Variants in CFAP20DC observed in about 807,000 individuals in gnomAD.
CFAP20DC encodes the protein protein CFAP20DC.
Under a neutral mutation model 101.7 loss-of-function variants are expected in CFAP20DC, and 84 were observed. That is an observed-to-expected ratio of 0.83 (90% CI 0.69 to 0.99). CFAP20DC has a LOEUF of 0.99. Ranked by LOEUF, CFAP20DC falls within the 50% of genes least tolerant of loss-of-function variation. The probability of loss-of-function intolerance (pLI) is 0.00; values close to 1 mark genes in which losing one functional copy is unlikely to be tolerated. For missense variants in CFAP20DC, 1,007 were observed against 970.3 expected (o/e 1.04, Z -0.50); for synonymous variants, 359 against 351.2 (o/e 1.02, Z -0.25).
intron 14 of CFAP20DC, among the ~76,000 whole-genome samples, chr3:58,813,238 CAT>C (rs898890911): frequency 7.2e-5 from 11 of 151,846 alleles, no homozygotes; most frequent in African/African-American, 2.7e-4. Context: ...CATTTCAAAA[CAT>C]AGCTGAACAA....
rs1472362827 is a variant in CFAP20DC at position 58,815,044 on chromosome 3, C to T, written c.2176-8588G>A. ...TATGGAACCAAAAAAGAGCCCGCAT[C>T]GCCAAAGCAATCCTAAGCCAAAAGA... On this transcript the variant is annotated intron_variant, in intron 14 of 16. Coordinates refer to ENST00000482387, the MANE Select transcript of CFAP20DC (RefSeq NM_001394063.1). 8.6e-5 allele frequency among the ~76,000 whole-genome samples: 13 copies of T among 151,626 alleles called. No individual in the cohort carries two copies. In the East Asian group the frequency reaches 9.7e-4, roughly 11 times the overall value.
At chr3:58,794,194 A>G (rs1335696031) in intron 15 of CFAP20DC, 1 of 336,218 alleles carries the variant, frequency 3.0e-6, no homozygotes, top group Non-Finnish European at 6.1e-6. Flanking sequence ...AAATGTGGGA[A>G]GCTGCCTTCT....
At chr3:58,798,011 GC>G (rs1317503246) in intron 15 of CFAP20DC, among the ~76,000 whole-genome samples, 1 of 152,172 alleles carries the variant, frequency 6.6e-6, no homozygotes, top group Non-Finnish European at 1.5e-5. Context: ...CATTGGCAAT[GC>G]ACCTGGTCAC....
At chr3:59,023,364 A>C (rs2109009806) in intron 4 of CFAP20DC, among the ~76,000 whole-genome samples, 1 of 152,236 alleles carries the variant, frequency 6.6e-6, no homozygotes, top group Non-Finnish European at 1.5e-5. Flanking sequence ...TTGTGAGAAC[A>C]CCGAGGAAAC....
At chr3:58,743,337 C>T (rs1369154381) in intron 16 of CFAP20DC, among the ~76,000 whole-genome samples, 1 of 151,874 alleles carries the variant, frequency 6.6e-6, no homozygotes, top group African/African-American at 2.4e-5. Context: ...CAGTGTTGTG[C>T]TAAGTACTTT....
intron 15 of CFAP20DC, among the ~76,000 whole-genome samples, chr3:58,773,736 T>G (rs1252034004): frequency 2.6e-5 from 4 of 152,222 alleles, no homozygotes; most frequent in Non-Finnish European, 5.9e-5. Context: ...TTAATTTAAT[T>G]TTTAAAAATA....
intron 3 of CFAP20DC, among the ~76,000 whole-genome samples, chr3:58,730,333 T>C (rs1297224392): frequency 6.6e-6 from 1 of 152,220 alleles, no homozygotes; most frequent in Non-Finnish European, 1.5e-5. Context: ...AAACATCACA[T>C]TGTACTTCGT....
chr3:59,029,344 A>G (rs887157132), intron 4 of CFAP20DC, among the ~76,000 whole-genome samples: 15 of 152,186 alleles, frequency 9.9e-5, no homozygotes, highest in African/African-American at 3.4e-4. Context: ...GTAATGAAGG[A>G]AAAGAAAAGG....
rs539689079 is a variant in CFAP20DC at position 58,896,831 on chromosome 3, CAT to C, written c.551-12124_551-12123del. Among the ~76,000 whole-genome samples, 627 of 152,010 alleles carry C rather than the reference CAT, an allele frequency of 4.1e-3. 5 individuals are homozygous for C. The highest frequency in any genetic ancestry group is 0.014 in the African/African-American group (591 of 41,492). On this transcript the variant is annotated intron_variant, in intron 6 of 16. Coordinates refer to ENST00000482387, the MANE Select transcript of CFAP20DC (RefSeq NM_001394063.1). ...ATGTGATCAATTTTAGAGTGAGTGT[CAT>C]GTGGGGATGAGAAGAATGTATACTC...
chr3:58,774,237 A>T (rs1452010534), intron 15 of CFAP20DC, among the ~76,000 whole-genome samples: 3 of 152,214 alleles, frequency 2.0e-5, no homozygotes, highest in Non-Finnish European at 4.4e-5. Context: ...ACATGCAAAG[A>T]ACCAATCTAT....
intron 14 of CFAP20DC, among the ~76,000 whole-genome samples, chr3:58,830,624 C>T (rs1034692417): frequency 6.6e-5 from 10 of 152,084 alleles, no homozygotes; most frequent in East Asian, 1.9e-4. Flanking sequence ...AACTTATCCG[C>T]GTCAACTATA....
At chr3:58,783,809 C>CA (rs1032123979) in intron 15 of CFAP20DC, among the ~76,000 whole-genome samples, 1 of 151,844 alleles carries the variant, frequency 6.6e-6, no homozygotes, top group African/African-American at 2.4e-5. Context: ...ACCCCAAAAA[C>CA]AAAAAACATG....
At chr3:58,963,789 G>C (rs2091337343) in intron 4 of CFAP20DC, among the ~76,000 whole-genome samples, 1 of 152,144 alleles carries the variant, frequency 6.6e-6, no homozygotes. Context: ...CCCCAGAACT[G>C]ATTGAACAGA....
At chr3:58,993,604 G>C (rs2093012082) in intron 4 of CFAP20DC, among the ~76,000 whole-genome samples, 1 of 151,922 alleles carries the variant, frequency 6.6e-6, no homozygotes, top group South Asian at 2.1e-4. Context: ...TCCTCCAACA[G>C]GCCCTAGTGT....
chr3:58,851,454 A>G (rs533557358), intron 12 of CFAP20DC, among the ~76,000 whole-genome samples: 1 of 152,310 alleles, frequency 6.6e-6, no homozygotes, highest in Non-Finnish European at 1.5e-5. Flanking sequence ...TCTCTTACAC[A>G]GAGTATGAGA....
intron 14 of CFAP20DC, among the ~76,000 whole-genome samples, chr3:58,807,581 A>G (rs2107745794): frequency 6.6e-6 from 1 of 152,318 alleles, no homozygotes; most frequent in Middle Eastern, 3.4e-3. Context: ...CACCATCATC[A>G]AAGACCAAAA....
chr3:58,763,990 C>T (rs1166313525), intron 15 of CFAP20DC, among the ~76,000 whole-genome samples: 2 of 152,142 alleles, frequency 1.3e-5, no homozygotes, highest in South Asian at 2.1e-4. Context: ...GGGTCAGGGA[C>T]CCACTTGAGG....
downstream of CFAP20DC, among the ~76,000 whole-genome samples, chr3:58,738,589 T>C (rs987010068): frequency 2.0e-5 from 3 of 152,250 alleles, no homozygotes; most frequent in African/African-American, 7.2e-5. The surrounding 1 kb of genome is among the most constrained non-coding windows in gnomAD (Gnocchi z 4.4). Flanking sequence ...CAGTCTACCA[T>C]TGATGGGCAT....
At position 58,861,471 on chromosome 3, in the gene CFAP20DC, C is replaced by T; in HGVS notation, c.1593+2087G>A. On this transcript the variant is annotated intron_variant, in intron 12 of 16. Coordinates refer to ENST00000482387, the MANE Select transcript of CFAP20DC (RefSeq NM_001394063.1). The surrounding 1 kb of genome is among the most constrained non-coding windows in gnomAD (Gnocchi z 4.0). ...ACATTGTAAATATGTAGCCTAATTT[C>T]CCATTGATTTATACAATTAATAAAT... The T allele has an allele frequency of 1.1e-6, 1 of 911,054 alleles. No homozygotes were observed. The highest frequency in any genetic ancestry group is 1.3e-6 in the Non-Finnish European group (1 of 762,350). The allele number at this position is 911,054 out of a possible 1,614,324, so 56.4% of individuals were successfully genotyped here.
Sources: allele counts gnomAD v4.1 joint callset (sites outside exome capture counted in the v4.1 genomes callset), GRCh38; gene constraint gnomAD v4.1.1; non-coding constraint Gnocchi (gnomAD v3.1); transcripts MANE v1.5; gene names NCBI Gene and HGNC (gene_info 2026-07-23, HGNC 2026-07-21).